The following DCLK1 variants were observed in gnomAD, a reference collection of about 807,000 sequenced individuals.
The protein encoded by DCLK1 is doublecortin like kinase 1.
A neutral mutation model predicts 86.2 loss-of-function variants in DCLK1; 16 were observed. The ratio of observed to expected loss-of-function variants is 0.19; its 90% CI spans 0.13 to 0.28. DCLK1 has a LOEUF of 0.28. DCLK1 is among the 10% of genes least tolerant of loss of function. DCLK1 has a pLI of 1.00. For synonymous variants in DCLK1, 369 were observed against 370.5 expected, an observed-to-expected ratio of 1.00 and a Z score of 0.05; for missense variants, 590 against 940.2, an observed-to-expected ratio of 0.63 and a Z score of 4.87.
At chr13:35,992,091 A>G (rs1043262986) in intron 3 of DCLK1, among the ~76,000 whole-genome samples, 1 of 152,172 alleles carries the variant, frequency 6.6e-6, no homozygotes, top group African/African-American at 2.4e-5. Context: ...ATTAATGAAC[A>G]AATTCTTTTT....
intron 1 of DCLK1, among the ~76,000 whole-genome samples, chr13:36,127,758 A>G (rs941697585): frequency 1.3e-5 from 2 of 152,052 alleles, no homozygotes; most frequent in African/African-American, 4.8e-5. Context: ...TGAAAGGTAC[A>G]TCTGTACCCC....
intron 3 of DCLK1, among the ~76,000 whole-genome samples, chr13:36,110,341 CTAAG>C (rs900356334): frequency 6.6e-6 from 1 of 152,102 alleles, no homozygotes; most frequent in Non-Finnish European, 1.5e-5. Flanking sequence ...ATATAGAAGA[CTAAG>C]TCTCATTCAT....
At chr13:35,785,843 T>C (rs1472741393) in intron 16 of DCLK1, among the ~76,000 whole-genome samples, 2 of 152,170 alleles carry the variant, frequency 1.3e-5, no homozygotes, top group East Asian at 1.9e-4. Flanking sequence ...TCTGCGGAGA[T>C]AAAAGGCAAG....
chr13:35,917,411 T>C (rs745548971), intron 4 of DCLK1, among the ~76,000 whole-genome samples: 1 of 152,148 alleles, frequency 6.6e-6, no homozygotes, highest in South Asian at 2.1e-4. Context: ...TCAAATAGCA[T>C]TTCCTGTGGT....
intron 4 of DCLK1, among the ~76,000 whole-genome samples, chr13:35,899,613 T>A (rs757989244): frequency 6.6e-6 from 1 of 152,218 alleles, no homozygotes; most frequent in Non-Finnish European, 1.5e-5. Context: ...GTGATGAATA[T>A]GTAAATCATT....
intron 4 of DCLK1, among the ~76,000 whole-genome samples, chr13:35,912,273 A>G (rs35094239): frequency 0.024 from 3,691 of 152,198 alleles, 66 homozygotes; most frequent in Non-Finnish European, 0.037. Flanking sequence ...GCAAAATCCC[A>G]TGTTTGAGCC....
At chr13:35,814,568 T>C (rs1442226276) in intron 11 of DCLK1, among the ~76,000 whole-genome samples, 1 of 152,230 alleles carries the variant, frequency 6.6e-6, no homozygotes, top group Admixed American at 6.5e-5. Flanking sequence ...TTGCCATAAC[T>C]GTATTTTAAA....
intron 3 of DCLK1, among the ~76,000 whole-genome samples, chr13:36,056,726 T>C (rs541681560): frequency 1.3e-5 from 2 of 150,386 alleles, no homozygotes; most frequent in South Asian, 4.2e-4. Flanking sequence ...AATAAATATG[T>C]ATGCATGTGT....
intron 3 of DCLK1, among the ~76,000 whole-genome samples, chr13:36,051,374 C>T (rs1395761713): frequency 6.6e-6 from 1 of 152,164 alleles, no homozygotes; most frequent in Non-Finnish European, 1.5e-5. Context: ...AAAGTAGCCT[C>T]ATAATCACTT....
At chr13:36,118,154 T>C (rs1885858456) in intron 2 of DCLK1, among the ~76,000 whole-genome samples, 1 of 151,874 alleles carries the variant, frequency 6.6e-6, no homozygotes, top group East Asian at 1.9e-4. Flanking sequence ...GGCAACAAGG[T>C]CAGAGTTTTA....
intron 3 of DCLK1, among the ~76,000 whole-genome samples, chr13:35,993,013 A>C (rs1417824506): frequency 6.6e-6 from 1 of 152,148 alleles, no homozygotes; most frequent in East Asian, 1.9e-4. Context: ...TCAGGCATTC[A>C]AGATTTTCAC....
intron 4 of DCLK1, among the ~76,000 whole-genome samples, chr13:35,920,266 A>C (rs1875718949): frequency 6.6e-6 from 1 of 152,176 alleles, no homozygotes; most frequent in African/African-American, 2.4e-5. Context: ...CCTGCCCTTC[A>C]CGTGTCCTTG....
intron 15 of DCLK1, among the ~76,000 whole-genome samples, chr13:35,803,086 T>G (rs555838366): frequency 6.6e-6 from 1 of 152,326 alleles, no homozygotes; most frequent in Non-Finnish European, 1.5e-5. Context: ...GTAGATGTAA[T>G]GTGATGCATG....
At chr13:35,963,197 C>A (rs897653293) in intron 3 of DCLK1, among the ~76,000 whole-genome samples, 1 of 152,158 alleles carries the variant, frequency 6.6e-6, no homozygotes, top group Non-Finnish European at 1.5e-5. Flanking sequence ...ACTAAATGAA[C>A]AATGTCTCTT....
At chr13:35,808,983 T>C (rs762857718) in intron 13 of DCLK1, 35 bp downstream of exon 13, 3 of 1,589,400 alleles carry the variant, frequency 1.9e-6, no homozygotes, top group Non-Finnish European at 2.6e-6. Flanking sequence ...AGAGAAATGC[T>C]TTGTCGGCGC....
In DCLK1 at chr13:35,970,576, C is replaced by G. The variant is rs867816527; in HGVS notation, c.724-23119G>C. ...ACTATTGGCGGTGGGCTCTCTTTCT[C>G]GGCTCTTTGCTCTTCTGCCATGTGA... is the stretch of plus-strand genomic sequence containing the variant. On this transcript the variant is annotated intron_variant, in intron 3 of 16. Transcript: ENST00000360631. 3.3e-5 allele frequency among the ~76,000 whole-genome samples: 5 copies of G among 152,070 alleles called. 1 individual carries two copies. Among genetic ancestry groups the G allele is most frequent in the Non-Finnish European group, 7.4e-5 (5 of 68,014 alleles).
intron 16 of DCLK1, among the ~76,000 whole-genome samples, chr13:35,776,220 T>C (rs533927137): frequency 2.2e-4 from 34 of 152,318 alleles, no homozygotes; most frequent in African/African-American, 8.2e-4. Flanking sequence ...ATTCCTAACT[T>C]TATTTAAAAC....
At chr13:35,808,139 T>A in intron 14 of DCLK1, 85 bp downstream of exon 14, 1 of 1,251,802 alleles carries the variant, frequency 8.0e-7, no homozygotes, top group Non-Finnish European at 1.2e-6. Flanking sequence ...ATGATGTCAT[T>A]AGTTTCTTTG....
intron 3 of DCLK1, among the ~76,000 whole-genome samples, chr13:35,948,920 C>T (rs753582863): frequency 3.3e-5 from 5 of 152,158 alleles, no homozygotes; most frequent in Non-Finnish European, 7.4e-5. Context: ...ACCCACCCTC[C>T]ATTTCACTCC....
Sources: allele counts gnomAD v4.1 joint callset (sites outside exome capture counted in the v4.1 genomes callset), GRCh38; gene constraint gnomAD v4.1.1; transcripts MANE v1.5; gene names NCBI Gene and HGNC (gene_info 2026-07-23, HGNC 2026-07-21).